The following UST variants were observed in gnomAD, a reference collection of about 807,000 sequenced individuals.
UST encodes the protein chondroitin sulfate 2-O-sulfotransferase.
Under a neutral mutation model 45.6 loss-of-function variants are expected in UST, and 21 were observed. The observed-to-expected ratio is 0.46, with a 90% CI of 0.33 to 0.66. The LOEUF is 0.66. Ranked by LOEUF, UST falls within the 30% of genes least tolerant of loss-of-function variation. The pLI is 0.02. For missense variants in UST, 463 were observed against 512.4 expected (o/e 0.90, Z 0.93); for synonymous variants, 215 against 200.6 (o/e 1.07, Z -0.61).
At chr6:148,889,857 C>T (rs1255689875) in intron 2 of UST, among the ~76,000 whole-genome samples, 2 of 152,044 alleles carry the variant, frequency 1.3e-5, no homozygotes, top group African/African-American at 4.8e-5. Context: ...ATAGGGTCTT[C>T]CCTAGCTGTG....
At chr6:148,834,980 C>G (rs973800947) in intron 1 of UST, among the ~76,000 whole-genome samples, 1 of 152,138 alleles carries the variant, frequency 6.6e-6, no homozygotes, top group Non-Finnish European at 1.5e-5. Context: ...GCTACCAACT[C>G]TAAATTTTAT....
At chr6:148,943,577 C>T (rs534961138) in intron 3 of UST, among the ~76,000 whole-genome samples, 3 of 152,304 alleles carry the variant, frequency 2.0e-5, no homozygotes, top group Admixed American at 2.0e-4. Context: ...TCTTCCTTCT[C>T]TTCTAAAATA....
At chr6:149,072,446 G>C (rs545659587) in intron 7 of UST, among the ~76,000 whole-genome samples, 1 of 152,140 alleles carries the variant, frequency 6.6e-6, no homozygotes, top group East Asian at 1.9e-4. Context: ...CTGAGGTCGG[G>C]AATTCGAGAC....
rs140977539 is a variant in UST, at chr6:149,033,597, G to A, written c.937+12116G>A. On this transcript the variant is annotated intron_variant, in intron 7 of 7. Transcript: ENST00000367463. ...TCATTTCATTACCTACAAACGCATAGAAAAATCCAACATAATCCCACACTG... is the reference window on the plus strand; with the variant it reads ...TCATTTCATTACCTACAAACGCATAAAAAAATCCAACATAATCCCACACTG... 2.4e-3 allele frequency among the ~76,000 whole-genome samples: 365 copies of A among 152,246 alleles called. 2 individuals are homozygous for A. Among genetic ancestry groups the A allele is most frequent in the Non-Finnish European group, 3.8e-3 (257 of 68,024 alleles).
chr6:148,834,580 G>A (rs990978127), intron 1 of UST, among the ~76,000 whole-genome samples: 2 of 152,058 alleles, frequency 1.3e-5, no homozygotes, highest in African/African-American at 4.8e-5. Context: ...ACAAAAAATA[G>A]AAAAAGTAGC....
At chr6:148,802,646 T>C (rs1431568229) in intron 1 of UST, among the ~76,000 whole-genome samples, 1 of 152,188 alleles carries the variant, frequency 6.6e-6, no homozygotes, top group African/African-American at 2.4e-5. Flanking sequence ...TACAGCCAGA[T>C]TTGTAAGTGA....
chr6:148,989,216 C>A (rs57896467), intron 5 of UST, among the ~76,000 whole-genome samples: 1 of 85,116 alleles, frequency 1.2e-5, no homozygotes, highest in East Asian at 4.3e-4. Flanking sequence ...AAGGCCCCCC[C>A]CCACCCCCCG....
chr6:149,036,441 T>C (rs1776241273), intron 7 of UST, among the ~76,000 whole-genome samples: 1 of 152,230 alleles, frequency 6.6e-6, no homozygotes, highest in African/African-American at 2.4e-5. Flanking sequence ...TCCAGCATTT[T>C]ATCCATCTTT....
At position 148,818,314 on chromosome 6, in the gene UST, C is replaced by T. The variant is rs780858571; in HGVS notation, c.248-68672C>T. Among the ~76,000 whole-genome samples, 7 of 152,328 alleles carry T rather than the reference C, an allele frequency of 4.6e-5. No homozygotes were observed. In the South Asian group the frequency reaches 1.0e-3, roughly 23 times the overall value. ...GTGAAGGAGACACCTGGCCTGGCCT[C>T]GTGCTAGATTGGACCCTCGATGTGT... is the stretch of plus-strand genomic sequence containing the variant. On this transcript the variant is annotated intron_variant, in intron 1 of 7. Coordinates refer to ENST00000367463, the MANE Select transcript of UST (RefSeq NM_005715.3).
At chr6:149,042,963 CTTT>C (rs1776337802) in intron 7 of UST, among the ~76,000 whole-genome samples, 3 of 62,484 alleles carry the variant, frequency 4.8e-5, no homozygotes, top group Non-Finnish European at 9.2e-5. Flanking sequence ...CCTTTTCTTT[CTTT>C]CTTTCTTTCT....
chr6:148,808,965 G>A (rs974596820), intron 1 of UST, among the ~76,000 whole-genome samples: 2 of 152,226 alleles, frequency 1.3e-5, no homozygotes, highest in Admixed American at 6.5e-5. Context: ...AGAATGATGA[G>A]AAGTAAATAT....
intron 1 of UST, among the ~76,000 whole-genome samples, chr6:148,856,613 G>A (rs914287042): frequency 3.9e-5 from 6 of 152,204 alleles, no homozygotes; most frequent in African/African-American, 7.2e-5. Context: ...CTAGGGTTGC[G>A]GGGCGGGCTT....
intron 1 of UST, among the ~76,000 whole-genome samples, chr6:148,837,283 C>A (rs905829205): frequency 6.6e-6 from 1 of 152,172 alleles, no homozygotes; most frequent in Non-Finnish European, 1.5e-5. Flanking sequence ...TTGAACTTAT[C>A]CCCCTCAATC....
intron 1 of UST, among the ~76,000 whole-genome samples, chr6:148,781,271 G>A (rs544319730): frequency 8.5e-5 from 13 of 152,260 alleles, no homozygotes; most frequent in South Asian, 2.1e-4. Context: ...CGGTGAACAC[G>A]TGAATGGTAA....
At chr6:148,838,283 G>A (rs73778922) in intron 1 of UST, among the ~76,000 whole-genome samples, 2,035 of 152,278 alleles carry the variant, frequency 0.013, 41 homozygotes, top group African/African-American at 0.045. Flanking sequence ...GACTCAAGGA[G>A]CAGAAGGAAG....
rs554207429 is a variant in UST at position 148,890,416 on chromosome 6, A to C, written c.291+3387A>C. Among the ~76,000 whole-genome samples the C allele has an allele frequency of 2.0e-5, 3 of 152,338 alleles. No individual in the cohort carries two copies. In the South Asian group the frequency reaches 6.2e-4, roughly 32 times the overall value. ...CTCTGGAATGAACCCTTACCCTGGC[A>C]GGGAAAAGCAAGACTCAGTCCAGAC... On this transcript the variant is annotated intron_variant, in intron 2 of 7. Transcript: ENST00000367463.
At chr6:148,905,530 C>T (rs1320220631) in intron 2 of UST, among the ~76,000 whole-genome samples, 1 of 152,234 alleles carries the variant, frequency 6.6e-6, no homozygotes, top group Admixed American at 6.5e-5. Flanking sequence ...CTAGACTCCC[C>T]ATTGGCTCCC....
intron 5 of UST, among the ~76,000 whole-genome samples, chr6:148,985,956 A>C (rs1326199042): frequency 6.6e-6 from 1 of 152,232 alleles, no homozygotes; most frequent in African/African-American, 2.4e-5. Context: ...CATCAAACCC[A>C]TAGTAGATCT....
Position 148,900,118 on chromosome 6 carries a change from T to G in UST, c.291+13089T>G, listed in dbSNP as rs1582886168. On this transcript the variant is annotated intron_variant, in intron 2 of 7. Coordinates refer to ENST00000367463, the MANE Select transcript of UST (RefSeq NM_005715.3). ...TACATACTTTTCTATGATCCCCAAT[T>G]TATCCTTGAACTCTTCTTCAGTTGT... Among the ~76,000 whole-genome samples the G allele has an allele frequency of 2.6e-5, 4 of 152,334 alleles. No homozygotes were observed. In the South Asian group the frequency reaches 8.3e-4, roughly 32 times the overall value.
Sources: gnomAD v4.1 joint callset for allele counts (sites outside exome capture counted in the v4.1 genomes callset) on GRCh38, gnomAD v4.1.1 for gene constraint, MANE v1.5 for transcripts, NCBI Gene and HGNC (gene_info 2026-07-23, HGNC 2026-07-21) for gene names.